STEAP1B: variants seen among roughly 807,000 people sequenced by gnomAD.
STEAP1B encodes the protein STEAP family protein MGC87042.
In STEAP1B, 13 loss-of-function variants were observed where a neutral mutation model predicts 27.9. The observed-to-expected ratio is 0.47, with a 90% CI of 0.30 to 0.74. The LOEUF is 0.74. STEAP1B is among the 30% of genes least tolerant of loss of function. The probability of loss-of-function intolerance (pLI) is 0.06; values close to 1 mark genes in which losing one functional copy is unlikely to be tolerated. For synonymous variants in STEAP1B, 86 were observed against 107.1 expected, an observed-to-expected ratio of 0.80 and a Z score of 1.22; for missense variants, 250 against 298.7, an observed-to-expected ratio of 0.84 and a Z score of 1.20.
At chr7:22,466,704 G>T (rs1380098131) in intron 4 of STEAP1B, among the ~76,000 whole-genome samples, 1 of 152,186 alleles carries the variant, frequency 6.6e-6, no homozygotes, top group African/African-American at 2.4e-5. Context: ...AGTAACACAA[G>T]ATGTATTCCA....
At chr7:22,458,996 A>G (rs1352698486) in intron 4 of STEAP1B, among the ~76,000 whole-genome samples, 1 of 152,182 alleles carries the variant, frequency 6.6e-6, no homozygotes, top group Non-Finnish European at 1.5e-5. Context: ...AAAGTCACCT[A>G]TAAAGCCAAA....
At chr7:22,492,803 T>A in intron 3 of STEAP1B, 74 bp from the exon 4 acceptor site, 2 of 1,524,974 alleles carry the variant, frequency 1.3e-6, no homozygotes, top group Non-Finnish European at 1.8e-6. Flanking sequence ...CCTTCTACAC[T>A]CTTCCCTGTG....
chr7:22,498,080 A>C (rs1786472360), intron 1 of STEAP1B, among the ~76,000 whole-genome samples: 1 of 152,190 alleles, frequency 6.6e-6, no homozygotes, highest in Non-Finnish European at 1.5e-5. Flanking sequence ...GGAGAATCTA[A>C]TGCCACCGTT....
intron 4 of STEAP1B, among the ~76,000 whole-genome samples, chr7:22,446,108 T>C (rs1220358937): frequency 6.6e-6 from 1 of 152,232 alleles, no homozygotes; most frequent in African/African-American, 2.4e-5. Context: ...TCGTTCAAAA[T>C]GTGACAGTAT....
At chr7:22,438,835 T>C in intron 4 of STEAP1B, 2 of 1,403,682 alleles carry the variant, frequency 1.4e-6, no homozygotes, top group Non-Finnish European at 1.9e-6. Flanking sequence ...AAGTGTATAA[T>C]GAGAAAACTG....
intron 4 of STEAP1B, among the ~76,000 whole-genome samples, chr7:22,466,742 A>G (rs1482647415): frequency 1.3e-5 from 2 of 152,192 alleles, no homozygotes; most frequent in Non-Finnish European, 1.5e-5. Flanking sequence ...TGAGAGCTAC[A>G]TTTCCATCTT....
intron 4 of STEAP1B, chr7:22,438,437 C>A: frequency 6.6e-7 from 1 of 1,513,406 alleles, no homozygotes. Flanking sequence ...GTCTGGTCTG[C>A]AAGTATGTAA....
At chr7:22,485,352 C>T (rs144986185) in intron 4 of STEAP1B, among the ~76,000 whole-genome samples, 30 of 152,288 alleles carry the variant, frequency 2.0e-4, no homozygotes, top group African/African-American at 7.2e-4. Context: ...AAGACCTCCA[C>T]CAGCAAAAAG....
intron 4 of STEAP1B, among the ~76,000 whole-genome samples, chr7:22,442,385 T>A (rs1033705457): frequency 6.6e-6 from 1 of 152,286 alleles, no homozygotes; most frequent in Non-Finnish European, 1.5e-5. Flanking sequence ...GGCCTCCTCA[T>A]CTGGGCTGTT....
intron 4 of STEAP1B, among the ~76,000 whole-genome samples, chr7:22,450,330 C>T (rs1378369934): frequency 6.6e-6 from 1 of 152,110 alleles, no homozygotes; most frequent in Admixed American, 6.5e-5. Flanking sequence ...AATGTCTAAT[C>T]CATTTTGATT....
At chr7:22,495,814 C>T (rs896670890) in intron 1 of STEAP1B, among the ~76,000 whole-genome samples, 41 of 152,120 alleles carry the variant, frequency 2.7e-4, no homozygotes, top group African/African-American at 9.9e-4. Flanking sequence ...AGTGATGTGT[C>T]ACATAACATT....
chr7:22,425,856 T>C (rs1785099176), intron 4 of STEAP1B, among the ~76,000 whole-genome samples: 1 of 152,266 alleles, frequency 6.6e-6, no homozygotes, highest in African/African-American at 2.4e-5. Context: ...AACGCTATCC[T>C]GCTGAAATCA....
chr7:22,440,949 A>G (rs961175418), intron 4 of STEAP1B, among the ~76,000 whole-genome samples: 7 of 150,374 alleles, frequency 4.7e-5, no homozygotes, highest in African/African-American at 1.7e-4. Flanking sequence ...TAAAAAGTAG[A>G]ATATTAAAAT....
chr7:22,420,907 C>A (rs926473804), intron 4 of STEAP1B, among the ~76,000 whole-genome samples: 3 of 152,194 alleles, frequency 2.0e-5, no homozygotes, highest in Non-Finnish European at 4.4e-5. Flanking sequence ...TTATCCCAGA[C>A]CCCACAGCAA....
chr7:22,478,253 T>C (rs1051953767), intron 4 of STEAP1B, among the ~76,000 whole-genome samples: 2 of 152,220 alleles, frequency 1.3e-5, no homozygotes, highest in Admixed American at 1.3e-4. Context: ...GGGGTTTATC[T>C]TCGGTTACTT....
intron 4 of STEAP1B, among the ~76,000 whole-genome samples, chr7:22,423,558 T>C (rs1467639173): frequency 6.6e-6 from 1 of 152,182 alleles, no homozygotes; most frequent in Non-Finnish European, 1.5e-5. Flanking sequence ...CGTCCAGGAA[T>C]AGGGAAATCC....
At chr7:22,473,731 G>A (rs1288201037) in intron 4 of STEAP1B, among the ~76,000 whole-genome samples, 1 of 152,150 alleles carries the variant, frequency 6.6e-6, no homozygotes, top group Non-Finnish European at 1.5e-5. Context: ...TGAAGTTAGG[G>A]CTGGGACCCA....
rs375909334 is a variant in STEAP1B at position 22,467,307 on chromosome 7, C to T, written c.762+25258G>A. Among the ~76,000 whole-genome samples the T allele has an allele frequency of 1.1e-4, 17 of 152,302 alleles. No individual in the cohort carries two copies. In the East Asian group the frequency reaches 2.9e-3, roughly 26 times the overall value. On this transcript the variant is annotated intron_variant, in intron 4 of 4. Coordinates refer to ENST00000678116, the MANE Select transcript of STEAP1B (RefSeq NM_001382447.1). Reference sequence around the variant, plus strand: ...TTTCTTAAATCTGCTTAAAAGCCTGCCAGCTCCCAATTAGTCTGCTGTCTT... The same window carrying T: ...TTTCTTAAATCTGCTTAAAAGCCTGTCAGCTCCCAATTAGTCTGCTGTCTT...
intron 4 of STEAP1B, among the ~76,000 whole-genome samples, chr7:22,478,405 C>G (rs1012385414): frequency 3.3e-5 from 5 of 152,222 alleles, no homozygotes; most frequent in Admixed American, 2.6e-4. Flanking sequence ...TAGTGTCTGT[C>G]TGCTCTAATC....
Sources: gnomAD v4.1 joint callset for allele counts (sites outside exome capture counted in the v4.1 genomes callset) on GRCh38, gnomAD v4.1.1 for gene constraint, MANE v1.5 for transcripts, NCBI Gene and HGNC (gene_info 2026-07-23, HGNC 2026-07-21) for gene names.